CLIC5: variants seen among roughly 807,000 people sequenced by gnomAD.
CLIC5 encodes chloride intracellular channel protein 5.
In CLIC5, 20 loss-of-function variants were observed where a neutral mutation model predicts 24.7. The observed-to-expected ratio is 0.81, with a 90% CI of 0.57 to 1.18. The LOEUF is 1.18. Ranked by LOEUF, CLIC5 falls within the 50% of genes most tolerant of loss-of-function variation. The pLI is 0.00. For missense variants in CLIC5, 341 were observed against 326.1 expected (o/e 1.05, Z -0.35); for synonymous variants, 159 against 135.6 (o/e 1.17, Z -1.20).
chr6:46,065,497 CA>C (rs1002600712), intron 1 of CLIC5, among the ~76,000 whole-genome samples: 1 of 151,916 alleles, frequency 6.6e-6, no homozygotes. Flanking sequence ...TTTTAACAGC[CA>C]AAAACTGGAA....
intron 1 of CLIC5, among the ~76,000 whole-genome samples, chr6:46,013,938 C>A (rs1157681220): frequency 1.3e-5 from 2 of 152,190 alleles, no homozygotes; most frequent in Non-Finnish European, 2.9e-5. Context: ...GTTCAGAACA[C>A]CCCCTTGCTG....
chr6:45,946,141 A>G (rs1163563815), intron 3 of CLIC5, among the ~76,000 whole-genome samples: 1 of 152,224 alleles, frequency 6.6e-6, no homozygotes, highest in Non-Finnish European at 1.5e-5. Flanking sequence ...CCAAGGTCAT[A>G]TGACAAACAC....
intron 1 of CLIC5, among the ~76,000 whole-genome samples, chr6:45,999,344 A>G (rs1001237626): frequency 1.3e-5 from 2 of 152,230 alleles, no homozygotes; most frequent in Non-Finnish European, 2.9e-5. Context: ...GTATGGATTT[A>G]CACAGGAATA....
chr6:46,007,901 T>G (rs903276392), intron 1 of CLIC5, among the ~76,000 whole-genome samples: 3 of 141,400 alleles, frequency 2.1e-5, no homozygotes, highest in South Asian at 2.3e-4. Context: ...TTTTTTCCTG[T>G]TTTTTTTCTT....
the CLIC5 span, among the ~76,000 whole-genome samples, chr6:46,110,274 A>G: frequency 6.6e-6 from 1 of 152,180 alleles, no homozygotes; most frequent in Non-Finnish European, 1.5e-5. Context: ...GGGCCTTCGT[A>G]GCCTCCATGA....
the CLIC5 span, among the ~76,000 whole-genome samples, chr6:46,099,469 T>C: frequency 7.2e-5 from 11 of 152,318 alleles, no homozygotes; most frequent in African/African-American, 2.2e-4. Context: ...CCTGATGTAT[T>C]TGTACTGGAA....
downstream of CLIC5, among the ~76,000 whole-genome samples, chr6:45,893,940 C>T (rs1581704770): frequency 6.6e-6 from 1 of 152,030 alleles, no homozygotes; most frequent in East Asian, 1.9e-4. Context: ...TCAAAATATG[C>T]CAAAAGGGAG....
chr6:46,034,086 T>C (rs2127457250), intron 1 of CLIC5, among the ~76,000 whole-genome samples: 1 of 152,366 alleles, frequency 6.6e-6, no homozygotes, highest in South Asian at 2.1e-4. Context: ...CTGTTACCAG[T>C]GTCTGGATCT....
At chr6:45,996,054 C>G (rs1468879584) in intron 1 of CLIC5, among the ~76,000 whole-genome samples, 1 of 150,590 alleles carries the variant, frequency 6.6e-6, no homozygotes, top group Non-Finnish European at 1.5e-5. Flanking sequence ...ATAGGTGCAG[C>G]AAACCACCAT....
At chr6:45,997,670 CAT>C (rs1450462609) in intron 1 of CLIC5, among the ~76,000 whole-genome samples, 6 of 152,104 alleles carry the variant, frequency 3.9e-5, no homozygotes, top group African/African-American at 4.8e-5. Flanking sequence ...AAAATACAAA[CAT>C]ATGAATAGTG....
chr6:45,997,358 G>A, intron 1 of CLIC5, among the ~76,000 whole-genome samples: 1 of 114,892 alleles, frequency 8.7e-6, no homozygotes, highest in East Asian at 2.9e-4. Flanking sequence ...CTGTTGTGGG[G>A]TGGGGGGAGG....
chr6:46,110,890 A>G, the CLIC5 span, among the ~76,000 whole-genome samples: 1 of 152,224 alleles, frequency 6.6e-6, no homozygotes, highest in South Asian at 2.1e-4. Flanking sequence ...TTATGCAAAT[A>G]ATGAAGCCAA....
chr6:46,111,132 A>G, the CLIC5 span, among the ~76,000 whole-genome samples: 1 of 148,032 alleles, frequency 6.8e-6, no homozygotes, highest in Non-Finnish European at 1.5e-5. Flanking sequence ...ATGTTTTCAC[A>G]TTTTTCTTCT....
rs546734982 is a variant in CLIC5, at chr6:45,892,981, A to G, written c.624-11793T>C. Among the ~76,000 whole-genome samples the G allele has an allele frequency of 5.9e-5, 9 of 152,288 alleles. No individual in the cohort carries two copies. In the South Asian group the frequency reaches 1.9e-3, roughly 32 times the overall value. On this transcript the variant is annotated intron_variant, in intron 6 of 6. Coordinates refer to the CLIC5 transcript ENST00000644324. Reference sequence around the variant, plus strand: ...TCTCCAGTGGGCAGTTTACATTTTAACTGCTCCTTTCATTATCTTCCTCAA... The same window carrying G: ...TCTCCAGTGGGCAGTTTACATTTTAGCTGCTCCTTTCATTATCTTCCTCAA...
At chr6:45,939,682 C>A (rs1229028424) in intron 4 of CLIC5, among the ~76,000 whole-genome samples, 2 of 152,016 alleles carry the variant, frequency 1.3e-5, no homozygotes, top group African/African-American at 4.8e-5. Flanking sequence ...GCTCTTTCAC[C>A]CAGGTTGGAG....
At chr6:45,914,607 T>A in intron 4 of CLIC5, 198 bp from the exon 5 acceptor site, 1 of 1,058,908 alleles carries the variant, frequency 9.4e-7, no homozygotes, top group Non-Finnish European at 1.2e-6. Flanking sequence ...AGGCAAACTC[T>A]AACCAAACAA....
chr6:45,919,652 A>C (rs1763174297), intron 4 of CLIC5, among the ~76,000 whole-genome samples: 1 of 152,234 alleles, frequency 6.6e-6, no homozygotes, highest in South Asian at 2.1e-4. Context: ...CTGTGAGTCG[A>C]GGCCTCCAGG....
intron 1 of CLIC5, among the ~76,000 whole-genome samples, chr6:46,027,227 G>A (rs1767359552): frequency 6.6e-6 from 1 of 152,234 alleles, no homozygotes; most frequent in South Asian, 2.1e-4. Flanking sequence ...TGAAGGGGGT[G>A]AGGAAGCCTC....
chr6:46,036,745 T>C (rs1452841588), intron 1 of CLIC5, among the ~76,000 whole-genome samples: 1 of 152,246 alleles, frequency 6.6e-6, no homozygotes, highest in Non-Finnish European at 1.5e-5. Context: ...TGGCATTTTA[T>C]AGTATCAAAT....
Sources: gnomAD v4.1 joint callset for allele counts (sites outside exome capture counted in the v4.1 genomes callset) on GRCh38, gnomAD v4.1.1 for gene constraint, MANE v1.5 for transcripts, NCBI Gene and HGNC (gene_info 2026-07-23, HGNC 2026-07-21) for gene names.